Variants in GUCY1A1 observed in about 807,000 individuals in gnomAD.
The protein encoded by GUCY1A1 is guanylate cyclase soluble subunit alpha-1.
A neutral mutation model predicts 64.5 loss-of-function variants in GUCY1A1; 48 were observed. That is an observed-to-expected ratio of 0.74 (90% confidence interval 0.59 to 0.95). The LOEUF (loss-of-function observed/expected upper bound fraction) is 0.95. Among genes scored for constraint, GUCY1A1 ranks in the 40% least tolerant of loss-of-function variants. The pLI, the probability that GUCY1A1 is intolerant of heterozygous loss-of-function variation, is 0.00. For missense variants in GUCY1A1, 804 were observed against 825.3 expected, an observed-to-expected ratio of 0.97 and a Z score of 0.32; for synonymous variants, 308 against 303.4, an observed-to-expected ratio of 1.02 and a Z score of -0.16.
chr4:155,709,077 T>A (rs934338940), intron 5 of GUCY1A1, among the ~76,000 whole-genome samples: 2 of 152,162 alleles, frequency 1.3e-5, no homozygotes, highest in African/African-American at 2.4e-5. Flanking sequence ...TAAACAAATT[T>A]AAAAAAATGA....
intron 2 of GUCY1A1, among the ~76,000 whole-genome samples, chr4:155,679,363 G>A (rs988754489): frequency 3.9e-5 from 6 of 152,160 alleles, no homozygotes; most frequent in African/African-American, 1.4e-4. Flanking sequence ...TTACAAAAGA[G>A]GTTTATTTGG....
At chr4:155,708,398 A>C (rs1043183779) in intron 5 of GUCY1A1, 104 bp downstream of exon 5, 7 of 673,428 alleles carry the variant, frequency 1.0e-5, no homozygotes, top group Admixed American at 9.3e-5. Flanking sequence ...CCCAGTATGA[A>C]GTGTTCAATA....
At chr4:155,698,835 G>A (rs1447119176) in intron 3 of GUCY1A1, among the ~76,000 whole-genome samples, 1 of 152,100 alleles carries the variant, frequency 6.6e-6, no homozygotes, top group Admixed American at 6.6e-5. Context: ...TAAGTCTGCT[G>A]TTAATGCTTT....
Position 155,735,811 on chromosome 4 carries a change from A to G in GUCY1A1, c.*5580A>G, listed in dbSNP as rs1736001277. ...AATGTGTTAAGTATTATACACCTGGAACAAGAGCAGCAAAACTGAAGCTCT... is the reference window on the plus strand; with the variant it reads ...AATGTGTTAAGTATTATACACCTGGGACAAGAGCAGCAAAACTGAAGCTCT... On this transcript the variant is annotated 3_prime_UTR_variant, in exon 10 of 10. Coordinates refer to ENST00000506455, the MANE Select transcript of GUCY1A1 (RefSeq NM_001130682.3). 1 of 151,950 alleles carries G rather than the reference A, an allele frequency of 6.6e-6. No homozygotes were observed. The highest frequency in any genetic ancestry group is 1.5e-5 in the Non-Finnish European group (1 of 67,940). The allele number at this position is 151,950 out of a possible 1,614,324, so 9.4% of individuals were successfully genotyped here. A position where few individuals can be genotyped will look rare whatever the true frequency, so the allele number is the denominator to read the frequency against.
intron 9 of GUCY1A1, among the ~76,000 whole-genome samples, chr4:155,727,941 G>A (rs1241369991): frequency 6.6e-6 from 1 of 151,968 alleles, no homozygotes; most frequent in African/African-American, 2.4e-5. Context: ...TGCATGTTCA[G>A]CAGCTTCTCC....
chr4:155,730,148 A>C lies in GUCY1A1; in HGVS notation c.1990A>C (p.Thr664Pro), dbSNP rs1247564765. 6.2e-7 allele frequency: 1 copy of C among 1,611,972 alleles called. No homozygotes were observed. Among genetic ancestry groups the C allele is most frequent in the African/African-American group, 1.3e-5 (1 of 74,928 alleles). ...CHFLDAYQQG[T>P]NSKPCFQKKD... ...TTTTCTGGATGCTTACCAACAAGGAACAAACTCAAAACCATGCTTCCAAAA... is the reference window on the plus strand; with the variant it reads ...TTTTCTGGATGCTTACCAACAAGGACCAAACTCAAAACCATGCTTCCAAAA... Residue 664 changes from threonine (T) to proline (P), a missense_variant, in exon 10 of 10, where the codon ACA (threonine) becomes CCA (proline). Transcript: ENST00000506455.
At chr4:155,680,208 A>G (rs1735534740) in intron 2 of GUCY1A1, among the ~76,000 whole-genome samples, 1 of 152,184 alleles carries the variant, frequency 6.6e-6, no homozygotes, top group Non-Finnish European at 1.5e-5. Flanking sequence ...TCCTTAATTT[A>G]TCTCGTGAAT....
chr4:155,671,047 C>T (rs1734083137), intron 2 of GUCY1A1, among the ~76,000 whole-genome samples: 1 of 152,272 alleles, frequency 6.6e-6, no homozygotes, highest in South Asian at 2.1e-4. Context: ...ATCTCCTTCA[C>T]GGTATCCAAT....
At chr4:155,688,284 GGTGTGT>G (rs1166733938) in intron 2 of GUCY1A1, among the ~76,000 whole-genome samples, 1 of 151,690 alleles carries the variant, frequency 6.6e-6, no homozygotes, top group Non-Finnish European at 1.5e-5. Context: ...GGAAAATAAG[GGTGTGT>G]GTATGTAAGT....
intron 4 of GUCY1A1, among the ~76,000 whole-genome samples, chr4:155,707,566 T>C (rs902577395): frequency 6.6e-6 from 1 of 151,438 alleles, no homozygotes; most frequent in Admixed American, 6.6e-5. Context: ...AAGTACAGTT[T>C]CCACTGAATA....
chr4:155,724,047 T>A (rs1033582606), intron 9 of GUCY1A1, among the ~76,000 whole-genome samples: 1 of 152,118 alleles, frequency 6.6e-6, no homozygotes, highest in African/African-American at 2.4e-5. Flanking sequence ...ACCACCAGAA[T>A]AGAAGTCAGA....
At chr4:155,711,370 T>C (rs1054900328) in intron 6 of GUCY1A1, 119 bp downstream of exon 6, 14 of 569,772 alleles carry the variant, frequency 2.5e-5, no homozygotes, top group Non-Finnish European at 3.7e-5. Context: ...TGTAAAACAA[T>C]GGTAAAAGAA....
chr4:155,689,051 C>T (rs1729397352), intron 2 of GUCY1A1, among the ~76,000 whole-genome samples: 1 of 149,910 alleles, frequency 6.7e-6, no homozygotes, highest in African/African-American at 2.5e-5. Flanking sequence ...GAATGGGGAG[C>T]AAAGGGGATC....
At chr4:155,722,301 A>T (rs1490231610) in intron 9 of GUCY1A1, 109 bp downstream of exon 9, 1 of 1,474,432 alleles carries the variant, frequency 6.8e-7, no homozygotes, top group Admixed American at 2.6e-5. Flanking sequence ...CCTTAGTCGT[A>T]AGGAAAAAAG....
chr4:155,679,856 G>T (rs1735479068), intron 2 of GUCY1A1, among the ~76,000 whole-genome samples: 1 of 152,122 alleles, frequency 6.6e-6, no homozygotes, highest in Non-Finnish European at 1.5e-5. Context: ...TTTCTTTCCT[G>T]ATTTTATTGC....
chr4:155,696,643 A>G (rs760644598), intron 2 of GUCY1A1, 113 bp from the exon 3 acceptor site: 6 of 414,546 alleles, frequency 1.4e-5, no homozygotes, highest in Non-Finnish European at 2.6e-5. Flanking sequence ...TTCCAGCAGA[A>G]TTTTTTTAAC....
At chr4:155,698,308 G>C (rs1025777395) in intron 3 of GUCY1A1, among the ~76,000 whole-genome samples, 1 of 152,160 alleles carries the variant, frequency 6.6e-6, no homozygotes, top group African/African-American at 2.4e-5. Flanking sequence ...ATAGTACTTT[G>C]GCAGATAACC....
At chr4:155,684,826 T>C (rs1317303205) in intron 2 of GUCY1A1, among the ~76,000 whole-genome samples, 1 of 152,004 alleles carries the variant, frequency 6.6e-6, no homozygotes, top group Non-Finnish European at 1.5e-5. Flanking sequence ...CTCCTTAGAG[T>C]TCACTGGGAC....
intron 7 of GUCY1A1, among the ~76,000 whole-genome samples, chr4:155,715,726 G>A (rs1303247910): frequency 6.6e-6 from 1 of 152,188 alleles, no homozygotes; most frequent in Non-Finnish European, 1.5e-5. Context: ...TGTACTCATT[G>A]CTGAGAAAAA....
Sources: allele counts gnomAD v4.1 joint callset (sites outside exome capture counted in the v4.1 genomes callset), GRCh38; gene constraint gnomAD v4.1.1; transcripts MANE v1.5; gene names NCBI Gene and HGNC (gene_info 2026-07-23, HGNC 2026-07-21).